The following ZC3H12B variants were observed in gnomAD, a reference collection of about 807,000 sequenced individuals.
The protein encoded by ZC3H12B is zinc finger CCCH-type containing 12B, also known as probable ribonuclease ZC3H12B.
Under a neutral mutation model 43.9 loss-of-function variants are expected in ZC3H12B, and 7 were observed. The observed-to-expected ratio is 0.16, with a 90% CI of 0.09 to 0.30. ZC3H12B has a LOEUF of 0.30. Among genes scored for constraint, ZC3H12B ranks in the 10% least tolerant of loss-of-function variants. The pLI, the probability that ZC3H12B is intolerant of heterozygous loss-of-function variation, is 1.00. For missense variants in ZC3H12B, 475 were observed against 670.2 expected, an observed-to-expected ratio of 0.71 and a Z score of 3.22; for synonymous variants, 222 against 241.7, an observed-to-expected ratio of 0.92 and a Z score of 0.76.
chrX:65,409,976 G>A (rs765724303), intron 3 of ZC3H12B, among the ~76,000 whole-genome samples: 1 of 110,083 alleles, frequency 9.1e-6, no homozygotes, highest in South Asian at 3.9e-4. Flanking sequence ...AATTTATATA[G>A]GCATACATAA....
the ZC3H12B span, among the ~76,000 whole-genome samples, chrX:65,350,969 C>T: frequency 8.9e-6 from 1 of 111,944 alleles, no homozygotes; most frequent in African/African-American, 3.3e-5. Flanking sequence ...GAAAAAAATA[C>T]TACTTTAAAC....
intron 3 of ZC3H12B, among the ~76,000 whole-genome samples, chrX:65,460,600 A>C (rs1007768723): frequency 1.8e-4 from 20 of 112,123 alleles, no homozygotes; most frequent in African/African-American, 3.6e-4. Context: ...CAAAAACAAG[A>C]AATGGGGAAA....
chrX:65,334,590 A>G, the ZC3H12B span, among the ~76,000 whole-genome samples: 3 of 112,112 alleles, frequency 2.7e-5, no homozygotes, highest in Non-Finnish European at 3.8e-5. Context: ...GCACCTTTAT[A>G]TATAAACATC....
At chrX:65,178,906 G>T in the ZC3H12B span, among the ~76,000 whole-genome samples, 1 of 112,159 alleles carries the variant, frequency 8.9e-6, no homozygotes, top group African/African-American at 3.2e-5. Flanking sequence ...TCCCATTACT[G>T]GGTATATACC....
intron 2 of ZC3H12B, among the ~76,000 whole-genome samples, chrX:65,498,455 G>A (rs918170926): frequency 2.7e-5 from 3 of 111,692 alleles, no homozygotes; most frequent in African/African-American, 9.8e-5. Context: ...TCCTAGCCCT[G>A]CTCAAGCCCA....
At chrX:65,150,245 A>G in the ZC3H12B span, among the ~76,000 whole-genome samples, 1 of 111,290 alleles carries the variant, frequency 9.0e-6, no homozygotes, top group Non-Finnish European at 1.9e-5. Flanking sequence ...GAGATTTCAT[A>G]ATGAAGCAAT....
the ZC3H12B span, among the ~76,000 whole-genome samples, chrX:65,140,926 A>T: frequency 9.0e-6 from 1 of 111,294 alleles, no homozygotes; most frequent in African/African-American, 3.2e-5. Flanking sequence ...CTTCTCTTCC[A>T]TTTCTGATTT....
At chrX:65,332,341 G>A in the ZC3H12B span, among the ~76,000 whole-genome samples, 2 of 111,287 alleles carry the variant, frequency 1.8e-5, no homozygotes, top group East Asian at 5.6e-4. Flanking sequence ...TTAACTCTGA[G>A]TTCCAATAAA....
intron 2 of ZC3H12B, among the ~76,000 whole-genome samples, chrX:65,380,824 C>T (rs1327588230): frequency 9.0e-6 from 1 of 111,388 alleles, no homozygotes; most frequent in Non-Finnish European, 1.9e-5. Flanking sequence ...ATAAAACAGA[C>T]TTTAAACCAA....
the ZC3H12B span, among the ~76,000 whole-genome samples, chrX:65,121,081 T>G: frequency 9.0e-6 from 1 of 111,479 alleles, no homozygotes; most frequent in East Asian, 2.8e-4. Flanking sequence ...TTTGCATCAA[T>G]GTTCATCAGG....
chrX:65,130,201 C>T, the ZC3H12B span, among the ~76,000 whole-genome samples: 1 of 110,902 alleles, frequency 9.0e-6, no homozygotes. Flanking sequence ...TTTACCTTTC[C>T]TGAAGATTGA....
intron 3 of ZC3H12B, among the ~76,000 whole-genome samples, chrX:65,461,512 C>G (rs373990537): frequency 8.9e-6 from 1 of 112,225 alleles, no homozygotes; most frequent in African/African-American, 3.2e-5. Flanking sequence ...CCATGGAATA[C>G]TATGCACCCA....
chrX:65,133,503 T>C, the ZC3H12B span, among the ~76,000 whole-genome samples: 1 of 111,070 alleles, frequency 9.0e-6, no homozygotes, highest in African/African-American at 3.3e-5. Context: ...CTATCTGATT[T>C]GGGAGAGGTC....
chrX:65,200,919 A>T, the ZC3H12B span, among the ~76,000 whole-genome samples: 1 of 111,399 alleles, frequency 9.0e-6, no homozygotes, highest in African/African-American at 3.3e-5. Flanking sequence ...AAGCATTTTG[A>T]TGTGATGCTG....
chrX:65,501,509 C>T (rs180762895), intron 4 of ZC3H12B, among the ~76,000 whole-genome samples: 1 of 111,248 alleles, frequency 9.0e-6, no homozygotes, highest in East Asian at 2.8e-4. Context: ...CCCACCTCAG[C>T]CTCCCAAACT....
the ZC3H12B span, among the ~76,000 whole-genome samples, chrX:65,153,325 A>C: frequency 8.9e-6 from 1 of 112,101 alleles, no homozygotes; most frequent in Non-Finnish European, 1.9e-5. Context: ...AATTTTTGCA[A>C]CCTACTCATC....
chrX:65,100,103 T>C, the ZC3H12B span, among the ~76,000 whole-genome samples: 3 of 111,416 alleles, frequency 2.7e-5, no homozygotes, highest in Non-Finnish European at 5.6e-5. Flanking sequence ...GAAGTATCAA[T>C]AGCCGAATTG....
intron 3 of ZC3H12B, among the ~76,000 whole-genome samples, chrX:65,459,320 C>A (rs1379076386): frequency 1.8e-5 from 2 of 111,849 alleles, no homozygotes; most frequent in Non-Finnish European, 3.8e-5. Flanking sequence ...CTACTCCAAT[C>A]AATAGAAAAA....
At position 65,463,191 on chromosome X, in the gene ZC3H12B, G is replaced by T. The variant is rs915206229; in HGVS notation, n.408-25455G>T. ...ACTATGCTCACTACCTGGGTAATGG[G>T]ATTAAACATACCCCAAACCTCAGCA... On this transcript the variant is annotated intron_variant and non_coding_transcript_variant, in intron 3 of 5. Coordinates refer to the ZC3H12B transcript ENST00000617377. Among the ~76,000 whole-genome samples the T allele has an allele frequency of 3.6e-5, 4 of 111,706 alleles. No individual in the cohort carries two copies. The Admixed American group carries it at 3.8e-4, about 11-fold the overall frequency.
Sources: gnomAD v4.1 joint callset for allele counts (sites outside exome capture counted in the v4.1 genomes callset) on GRCh38, gnomAD v4.1.1 for gene constraint, MANE v1.5 for transcripts, NCBI Gene and HGNC (gene_info 2026-07-23, HGNC 2026-07-21) for gene names.